Variants in VPS8 observed in about 807,000 individuals in gnomAD.
The protein encoded by VPS8 is VPS8 subunit of CORVET complex.
Under a neutral mutation model 216.4 loss-of-function variants are expected in VPS8, and 129 were observed. That is an observed-to-expected ratio of 0.60 (90% CI 0.52 to 0.69). The LOEUF (loss-of-function observed/expected upper bound fraction) is 0.69, where lower values mean the gene tolerates loss of function less well. Ranked by LOEUF, VPS8 falls within the 30% of genes least tolerant of loss-of-function variation. The pLI, the probability that VPS8 is intolerant of heterozygous loss-of-function variation, is 0.00. For synonymous variants in VPS8, 571 were observed against 565.4 expected, an observed-to-expected ratio of 1.01 and a Z score of -0.14; for missense variants, 1,531 against 1,683.5, an observed-to-expected ratio of 0.91 and a Z score of 1.59.
chr3:185,017,651 C>T lies in VPS8; in HGVS notation c.4003-6685C>T, dbSNP rs141941884. Among the ~76,000 whole-genome samples, 804 of 152,276 alleles carry T rather than the reference C, an allele frequency of 5.3e-3. 6 individuals are homozygous for T. The highest frequency in any genetic ancestry group is 0.012 in the African/African-American group (512 of 41,548). On this transcript the variant is annotated intron_variant, in intron 45 of 47. Transcript: ENST00000625842. ...TTCCTAAAAGTAATCCTATCGTCCC[C>T]GCTGGCAAGGGTCCACAGAGCCCTG...
chr3:184,823,467 A>G (rs1718056379), intron 1 of VPS8, among the ~76,000 whole-genome samples: 1 of 152,234 alleles, frequency 6.6e-6, no homozygotes, highest in Non-Finnish European at 1.5e-5. Context: ...CTGCAGGGCA[A>G]GGGTTGGTGG....
rs78781690 is a variant in VPS8, at chr3:184,888,327, G to A, written c.1781+2171G>A. On this transcript the variant is annotated intron_variant, in intron 22 of 47. Coordinates refer to ENST00000625842, the MANE Select transcript of VPS8 (RefSeq NM_001009921.3). The stretch of plus-strand genomic sequence containing the variant: ...ATATTACACATGGTCTGCTTTATGA[G>A]GGCCTACGGGAGAAATTTCTTTCCG... Among the ~76,000 whole-genome samples, 667 of 152,196 alleles carry A rather than the reference G, an allele frequency of 4.4e-3. 7 individuals carry two copies. The highest frequency in any genetic ancestry group is 0.015 in the African/African-American group (626 of 41,526).
intron 35 of VPS8, among the ~76,000 whole-genome samples, chr3:184,936,823 C>T (rs953345475): frequency 1.3e-5 from 2 of 151,682 alleles, no homozygotes; most frequent in East Asian, 3.9e-4. Context: ...TTGCGAGCTC[C>T]GCCTCCCGGG....
chr3:184,903,556 ATCC>A (rs1374854887), intron 25 of VPS8, among the ~76,000 whole-genome samples: 2 of 152,108 alleles, frequency 1.3e-5, no homozygotes, highest in African/African-American at 4.8e-5. Context: ...GGATCAAGTG[ATCC>A]TCCTTCCTCA....
At chr3:184,868,107 T>G in intron 18 of VPS8, 48 bp downstream of exon 18, 1 of 1,578,786 alleles carries the variant, frequency 6.3e-7, no homozygotes, top group South Asian at 1.1e-5. Context: ...ATTGGTAGCT[T>G]CTTAACATTT....
chr3:184,916,126 T>C (rs757218872), intron 28 of VPS8, among the ~76,000 whole-genome samples: 41 of 151,990 alleles, frequency 2.7e-4, no homozygotes, highest in Non-Finnish European at 4.9e-4. Flanking sequence ...GGAGATGCGG[T>C]AGTGATGATA....
chr3:184,998,395 A>G (rs1002346924), intron 44 of VPS8, among the ~76,000 whole-genome samples: 8 of 151,672 alleles, frequency 5.3e-5, no homozygotes, highest in African/African-American at 1.9e-4. Flanking sequence ...TTTAGAAGGT[A>G]GTGGTATTTT....
chr3:184,833,755 T>C (rs1205306330), intron 4 of VPS8, among the ~76,000 whole-genome samples: 1 of 152,210 alleles, frequency 6.6e-6, no homozygotes, highest in Non-Finnish European at 1.5e-5. Context: ...GCCTGTGCTT[T>C]TTGCCTGACA....
At chr3:184,841,898 C>T (rs1722208732) in intron 7 of VPS8, among the ~76,000 whole-genome samples, 1 of 151,930 alleles carries the variant, frequency 6.6e-6, no homozygotes, top group South Asian at 2.1e-4. Context: ...AGCAATTCTG[C>T]TATCCTGAGA....
intron 25 of VPS8, among the ~76,000 whole-genome samples, chr3:184,902,554 G>A (rs114901357): frequency 8.7e-5 from 13 of 149,538 alleles, no homozygotes; most frequent in South Asian, 4.3e-4. Flanking sequence ...TCTTGGAGCC[G>A]GGTGCTGTGG....
chr3:184,847,843 C>T (rs935799032), intron 8 of VPS8, among the ~76,000 whole-genome samples: 7 of 152,100 alleles, frequency 4.6e-5, no homozygotes, highest in East Asian at 1.9e-4. Flanking sequence ...GCAAGATCCT[C>T]GCCCTTATCA....
At chr3:185,042,053 A>T (rs1336652524) in intron 46 of VPS8, among the ~76,000 whole-genome samples, 1 of 152,218 alleles carries the variant, frequency 6.6e-6, no homozygotes, top group Non-Finnish European at 1.5e-5. Context: ...TTTTCTACAA[A>T]TATCCTAGGT....
At chr3:185,007,869 A>G (rs866260075) in intron 45 of VPS8, among the ~76,000 whole-genome samples, 5 of 152,200 alleles carry the variant, frequency 3.3e-5, no homozygotes, top group Admixed American at 2.6e-4. Context: ...ATAATTTTCT[A>G]TTAACCATTG....
intron 41 of VPS8, 115 bp from the exon 42 acceptor site, chr3:184,982,897 G>GGTTA: frequency 1.1e-6 from 1 of 927,360 alleles, no homozygotes; most frequent in Non-Finnish European, 1.5e-6. Flanking sequence ...AAGAGGCCTT[G>GGTTA]GTTAGCTAAG....
chr3:184,863,115 C>T (rs1180190423), intron 16 of VPS8, 48 bp downstream of exon 16: 6 of 1,594,308 alleles, frequency 3.8e-6, no homozygotes, highest in Non-Finnish European at 5.1e-6. Context: ...CTTTGATAAA[C>T]TTGGTATTTT....
At chr3:184,896,991 A>AT (rs1235789795) in intron 23 of VPS8, among the ~76,000 whole-genome samples, 2 of 152,204 alleles carry the variant, frequency 1.3e-5, no homozygotes, top group African/African-American at 4.8e-5. Flanking sequence ...AACAGCTAGC[A>AT]TTTAAAAAAA....
chr3:184,832,724 T>G lies in VPS8; in HGVS notation c.258T>G (p.Asp86Glu). The change falls in exon 4 of 48, where the codon GAT (aspartate) becomes GAG (glutamate). Residue 86 changes from aspartate to glutamate, a missense_variant. By Grantham distance (45) the Asp-to-Glu change is conservative. Coordinates refer to ENST00000625842, the MANE Select transcript of VPS8 (RefSeq NM_001009921.3). ...DDEDESFILE[D>E]PTLLNIDTID... ...AAGATGAGTCTTTTATTCTTGAGGA[T>G]CCTACATTGTTAAACATTGATACTA... is the stretch of plus-strand genomic sequence containing the variant. 1 of 1,606,376 alleles carries G rather than the reference T, an allele frequency of 6.2e-7. No homozygotes were observed. Among genetic ancestry groups the G allele is most frequent in the East Asian group, 2.2e-5 (1 of 44,804 alleles).
intron 46 of VPS8, among the ~76,000 whole-genome samples, chr3:185,030,340 T>C (rs562313625): frequency 6.6e-6 from 1 of 152,330 alleles, no homozygotes; most frequent in Non-Finnish European, 1.5e-5. Flanking sequence ...TGTGTCTTGA[T>C]CTCAGGTACA....
intron 42 of VPS8, among the ~76,000 whole-genome samples, chr3:184,983,722 A>G (rs1219660058): frequency 6.6e-6 from 1 of 152,232 alleles, no homozygotes; most frequent in Non-Finnish European, 1.5e-5. Context: ...AATTATACTT[A>G]GAATCCATTT....
Sources: allele counts gnomAD v4.1 joint callset (sites outside exome capture counted in the v4.1 genomes callset), GRCh38; gene constraint gnomAD v4.1.1; transcripts MANE v1.5; gene names NCBI Gene and HGNC (gene_info 2026-07-23, HGNC 2026-07-21).